The following JARID2 variants were observed in gnomAD, a reference collection of about 807,000 sequenced individuals.
JARID2 encodes the protein protein Jumonji.
JARID2 carries 21 observed loss-of-function variants against 125.6 expected under a neutral mutation model. That is an observed-to-expected ratio of 0.17 (90% confidence interval 0.12 to 0.24). The LOEUF (loss-of-function observed/expected upper bound fraction) is 0.24, where lower values mean the gene tolerates loss of function less well. JARID2 is among the 10% of genes least tolerant of loss of function. The probability of loss-of-function intolerance (pLI) is 1.00; values close to 1 mark genes in which losing one functional copy is unlikely to be tolerated. For missense variants in JARID2, 1,303 were observed against 1,639.6 expected, an observed-to-expected ratio of 0.79 and a Z score of 3.55; for synonymous variants, 736 against 661.6, an observed-to-expected ratio of 1.11 and a Z score of -1.73.
chr6:15,449,711 C>T (rs1767830594), intron 3 of JARID2, among the ~76,000 whole-genome samples: 1 of 151,870 alleles, frequency 6.6e-6, no homozygotes, highest in African/African-American at 2.4e-5. Context: ...GAATGACCTA[C>T]ATTGTTTGTA....
chr6:15,493,788 A>G (rs550771901), intron 6 of JARID2, among the ~76,000 whole-genome samples: 2 of 152,350 alleles, frequency 1.3e-5, no homozygotes, highest in East Asian at 3.9e-4. Context: ...TGAAAGAACA[A>G]TTAAAACTAA....
chr6:15,249,555 A>G (rs1561745486), intron 1 of JARID2, among the ~76,000 whole-genome samples: 5 of 152,192 alleles, frequency 3.3e-5, no homozygotes, highest in Non-Finnish European at 1.5e-5. Flanking sequence ...ATTGCCACTT[A>G]ACTAAGTCAC....
Position 15,520,200 on chromosome 6 carries a change from C to G in JARID2, c.3690C>G (p.Pro1230=). The G allele has an allele frequency of 6.2e-7, 1 of 1,613,614 alleles. No homozygotes were observed. The highest frequency in any genetic ancestry group is 8.5e-7 in the Non-Finnish European group (1 of 1,179,800). ...PRKRATVDVP[P]SRLSASSSSK... Reference sequence around the variant, plus strand: ...AGAGAGCGACAGTGGACGTGCCCCCCTCCCGTCTGTCAGCCTCCAGTTCAT... The same window carrying G: ...AGAGAGCGACAGTGGACGTGCCCCCGTCCCGTCTGTCAGCCTCCAGTTCAT... Residue 1230 remains proline, a synonymous_variant, in exon 18 of 18, where the codon CCC becomes CCG. Transcript: ENST00000341776.
At chr6:15,444,108 C>T (rs1767562077) in intron 3 of JARID2, among the ~76,000 whole-genome samples, 1 of 152,078 alleles carries the variant, frequency 6.6e-6, no homozygotes, top group South Asian at 2.1e-4. Context: ...GGCTGTGGAC[C>T]ACTAGGGCTC....
intron 17 of JARID2, 104 bp downstream of exon 17, chr6:15,517,372 A>G: frequency 1.3e-6 from 1 of 792,254 alleles, no homozygotes; most frequent in Non-Finnish European, 2.2e-6. Context: ...CCTGGCGGGT[A>G]GTCAGGGCTC....
chr6:15,510,812 G>A (rs1476265037), intron 12 of JARID2, among the ~76,000 whole-genome samples: 2 of 152,240 alleles, frequency 1.3e-5, no homozygotes, highest in Non-Finnish European at 2.9e-5. Context: ...CATTTGTAGA[G>A]GGCAGGGTTT....
intron 2 of JARID2, among the ~76,000 whole-genome samples, chr6:15,380,208 A>G (rs971982981): frequency 6.6e-6 from 1 of 151,664 alleles, no homozygotes; most frequent in Non-Finnish European, 1.5e-5. Flanking sequence ...GCTAACTTTT[A>G]TATTTTAGTA....
At position 15,255,138 on chromosome 6, in the gene JARID2, C is replaced by G. The variant is rs79615016; in HGVS notation, c.45+8554C>G. On this transcript the variant is annotated intron_variant, in intron 1 of 17. Transcript: ENST00000341776. Reference sequence around the variant, plus strand: ...CATACACATTGGTAAACTAGGAATTCTTTTTTTTTTTTTTTTTTTTTGAGA... The same window carrying G: ...CATACACATTGGTAAACTAGGAATTGTTTTTTTTTTTTTTTTTTTTTGAGA... Among the ~76,000 whole-genome samples, 5 of 121,194 alleles carry G rather than the reference C, an allele frequency of 4.1e-5. No individual in the cohort carries two copies. In the East Asian group the frequency reaches 1.2e-3, roughly 29 times the overall value. 79.5% of individuals were successfully genotyped at this position (121,194 alleles called of 152,430 possible). A position where few individuals can be genotyped will look rare whatever the true frequency, so the allele number is the denominator to read the frequency against.
At chr6:15,449,699 C>T (rs535904106) in intron 3 of JARID2, among the ~76,000 whole-genome samples, 113 of 151,996 alleles carry the variant, frequency 7.4e-4, no homozygotes, top group African/African-American at 2.7e-3. Context: ...AAAAAGTGCT[C>T]TGAATGACCT....
At chr6:15,433,410 C>CTCTG (rs1241800597) in intron 3 of JARID2, among the ~76,000 whole-genome samples, 2,144 of 143,456 alleles carry the variant, frequency 0.015, 59 homozygotes, top group African/African-American at 0.045. Context: ...CCATGTCTCT[C>CTCTG]TGTGTGTGTG....
intron 1 of JARID2, among the ~76,000 whole-genome samples, chr6:15,311,778 T>A (rs1377619325): frequency 1.3e-5 from 2 of 151,808 alleles, no homozygotes; most frequent in Non-Finnish European, 2.9e-5. Flanking sequence ...CCTTAAAAAA[T>A]TTTTTTCCTC....
Position 15,372,439 on chromosome 6 carries a change from A to G in JARID2, c.46-1678A>G, listed in dbSNP as rs576298681. ...AGTGGCGTGATCTTGGCTCACTGCA[A>G]CCTCCGCCTCCCCAGGTTCAAGTGA... On this transcript the variant is annotated intron_variant, in intron 1 of 17. Transcript: ENST00000341776. Among the ~76,000 whole-genome samples the G allele has an allele frequency of 1.4e-4, 21 of 152,118 alleles. No homozygotes were observed. In the South Asian group the frequency reaches 4.2e-3, roughly 30 times the overall value.
intron 6 of JARID2, among the ~76,000 whole-genome samples, chr6:15,491,638 C>T (rs566878813): frequency 3.3e-5 from 5 of 152,318 alleles, no homozygotes; most frequent in African/African-American, 9.6e-5. Context: ...TAATCTTGAA[C>T]GACTAAAACA....
At position 15,247,181 on chromosome 6, in the gene JARID2, G is replaced by A. The variant is rs539036449; in HGVS notation, c.45+597G>A. On this transcript the variant is annotated intron_variant, in intron 1 of 17. Coordinates refer to ENST00000341776, the MANE Select transcript of JARID2 (RefSeq NM_004973.4). ...TGACTTTAATAATGAGGCTGGTTTTGTTTAAAAAATTCATGGTTTCCAGTT... is the reference window on the plus strand; with the variant it reads ...TGACTTTAATAATGAGGCTGGTTTTATTTAAAAAATTCATGGTTTCCAGTT... Among the ~76,000 whole-genome samples the A allele has an allele frequency of 2.4e-3, 362 of 152,250 alleles. 2 individuals carry two copies. The highest frequency in any genetic ancestry group is 4.4e-3 in the Non-Finnish European group (302 of 67,998).
intron 5 of JARID2, among the ~76,000 whole-genome samples, chr6:15,471,408 A>G (rs562367331): frequency 1.3e-5 from 2 of 152,308 alleles, no homozygotes; most frequent in African/African-American, 4.8e-5. Context: ...TGAAGAGTGA[A>G]GAAATATGAA....
intron 16 of JARID2, among the ~76,000 whole-genome samples, chr6:15,515,256 C>T (rs1215100718): frequency 6.6e-6 from 1 of 151,894 alleles, no homozygotes; most frequent in East Asian, 1.9e-4. Context: ...CCATAGGCTG[C>T]CTACTTCAGC....
intron 5 of JARID2, among the ~76,000 whole-genome samples, chr6:15,475,473 C>G (rs2237130): frequency 1.3e-5 from 2 of 152,122 alleles, no homozygotes; most frequent in African/African-American, 4.8e-5. Context: ...CCCAGGTCCT[C>G]GCTTCGCCGT....
chr6:15,469,278 C>CTCTCTG (rs1197894461), intron 5 of JARID2, among the ~76,000 whole-genome samples: 1 of 94,736 alleles, frequency 1.1e-5, no homozygotes, highest in Non-Finnish European at 2.2e-5. Flanking sequence ...GTCTCTCTGT[C>CTCTCTG]TCTCTGTCTC....
intron 1 of JARID2, among the ~76,000 whole-genome samples, chr6:15,322,313 T>C (rs945929143): frequency 9.2e-5 from 14 of 152,200 alleles, no homozygotes; most frequent in Admixed American, 2.6e-4. Flanking sequence ...AGAGGGCACT[T>C]GCCAGGCATG....
Sources: allele counts gnomAD v4.1 joint callset (sites outside exome capture counted in the v4.1 genomes callset), GRCh38; gene constraint gnomAD v4.1.1; transcripts MANE v1.5; gene names NCBI Gene and HGNC (gene_info 2026-07-23, HGNC 2026-07-21).